The following NAALADL2 variants were observed in gnomAD, a reference collection of about 807,000 sequenced individuals.
NAALADL2 encodes the protein inactive N-acetylated-alpha-linked acidic dipeptidase-like protein 2.
NAALADL2 carries 76 observed loss-of-function variants against 87.2 expected under a neutral mutation model. The observed-to-expected ratio is 0.87, with a 90% confidence interval of 0.72 to 1.05. The LOEUF is 1.05. Among genes scored for constraint, NAALADL2 ranks in the 50% least tolerant of loss-of-function variants. The pLI is 0.00. For missense variants in NAALADL2, 1,089 were observed against 945.8 expected (o/e 1.15, Z -1.99); for synonymous variants, 354 against 331.0 (o/e 1.07, Z -0.75).
At chr3:175,012,963 G>A (rs1293844461) in intron 1 of NAALADL2, among the ~76,000 whole-genome samples, 1 of 118,696 alleles carries the variant, frequency 8.4e-6, no homozygotes, top group East Asian at 2.2e-4. Context: ...GCCTAGATGT[G>A]TGTGTATATA....
chr3:174,810,584 A>G (rs1433727211), intron 3 of NAALADL2, among the ~76,000 whole-genome samples: 1 of 148,518 alleles, frequency 6.7e-6, no homozygotes, highest in African/African-American at 2.5e-5. Context: ...CTAACAGCCT[A>G]TATATATGTA....
At chr3:175,178,830 A>AG (rs1736050253) in intron 2 of NAALADL2, among the ~76,000 whole-genome samples, 1 of 148,466 alleles carries the variant, frequency 6.7e-6, no homozygotes, top group African/African-American at 2.5e-5. Flanking sequence ...AATGTTTTAG[A>AG]ATTTTTTTTT....
chr3:174,930,133 A>G (rs1052692350), intron 1 of NAALADL2, among the ~76,000 whole-genome samples: 1 of 152,178 alleles, frequency 6.6e-6, no homozygotes, highest in African/African-American at 2.4e-5. Context: ...GTAAATTTAT[A>G]ATGTAAAAAG....
chr3:174,835,000 T>A (rs947988177), intron 3 of NAALADL2, among the ~76,000 whole-genome samples: 3 of 151,818 alleles, frequency 2.0e-5, no homozygotes, highest in Non-Finnish European at 4.4e-5. Flanking sequence ...TTTTAAAAAT[T>A]TAAAAATGCA....
At chr3:174,863,711 A>C (rs1202445590) in intron 1 of NAALADL2, 1 of 177,722 alleles carries the variant, frequency 5.6e-6, no homozygotes, top group Non-Finnish European at 1.2e-5. Context: ...GTGGTGGGAA[A>C]AATATCTCTG....
chr3:174,919,441 C>T (rs961396515), intron 1 of NAALADL2, among the ~76,000 whole-genome samples: 1 of 152,172 alleles, frequency 6.6e-6, no homozygotes. Context: ...CACATGCCAT[C>T]TCAAGAAACC....
chr3:174,627,325 GA>G (rs1415516796), intron 2 of NAALADL2, among the ~76,000 whole-genome samples: 9 of 151,410 alleles, frequency 5.9e-5, no homozygotes, highest in African/African-American at 1.2e-4. Flanking sequence ...CAAGAAATAT[GA>G]AAAAAAAGTT....
intron 1 of NAALADL2, among the ~76,000 whole-genome samples, chr3:174,493,680 T>C (rs1360809926): frequency 6.6e-6 from 1 of 152,198 alleles, no homozygotes; most frequent in African/African-American, 2.4e-5. Flanking sequence ...AAAATTCATG[T>C]GATTGAACCA....
At chr3:174,446,326 T>C (rs1413003013) in intron 1 of NAALADL2, among the ~76,000 whole-genome samples, 1 of 152,208 alleles carries the variant, frequency 6.6e-6, no homozygotes, top group Non-Finnish European at 1.5e-5. Context: ...TTCAAACTTA[T>C]ATTCTTTGTA....
At chr3:175,800,479 A>G (rs1323145936) in intron 13 of NAALADL2, among the ~76,000 whole-genome samples, 1 of 152,134 alleles carries the variant, frequency 6.6e-6, no homozygotes, top group Non-Finnish European at 1.5e-5. Flanking sequence ...GGACTATTAG[A>G]GATAGTTCCC....
chr3:175,604,022 C>T (rs1723324150), intron 10 of NAALADL2, among the ~76,000 whole-genome samples: 2 of 152,094 alleles, frequency 1.3e-5, no homozygotes, highest in African/African-American at 2.4e-5. Context: ...ACAAATATCT[C>T]TTCAAGACCC....
chr3:175,020,978 A>G (rs779031382), intron 1 of NAALADL2, among the ~76,000 whole-genome samples: 1 of 152,062 alleles, frequency 6.6e-6, no homozygotes, highest in Non-Finnish European at 1.5e-5. Flanking sequence ...AGGAGGAGAG[A>G]CTGTCATTTT....
chr3:174,826,899 A>G (rs66873302), intron 3 of NAALADL2, among the ~76,000 whole-genome samples: 18,809 of 152,076 alleles, frequency 0.12, 1,258 homozygotes, highest in Middle Eastern at 0.15. Context: ...AGTAATTAAA[A>G]CTCTTTGGTT....
At chr3:174,643,278 A>G (rs976861864) in intron 2 of NAALADL2, among the ~76,000 whole-genome samples, 9 of 152,118 alleles carry the variant, frequency 5.9e-5, no homozygotes, top group Non-Finnish European at 8.8e-5. Flanking sequence ...CAAGTAAGCA[A>G]ATAGGTGAAT....
intron 1 of NAALADL2, among the ~76,000 whole-genome samples, chr3:174,503,530 A>G (rs920874309): frequency 1.4e-4 from 22 of 152,142 alleles, no homozygotes; most frequent in African/African-American, 5.3e-4. Flanking sequence ...TCCAAACTCT[A>G]TTTTTTATGA....
intron 11 of NAALADL2, among the ~76,000 whole-genome samples, chr3:175,733,696 A>G (rs1744099956): frequency 6.6e-6 from 1 of 152,242 alleles, no homozygotes; most frequent in African/African-American, 2.4e-5. Flanking sequence ...CATCTGAGAC[A>G]AGGCAAGTCC....
At chr3:175,748,987 G>T (rs972366565) in intron 12 of NAALADL2, among the ~76,000 whole-genome samples, 1 of 151,280 alleles carries the variant, frequency 6.6e-6, no homozygotes, top group African/African-American at 2.4e-5. Context: ...CAAGCCTTTG[G>T]CTGTAGATAC....
intron 12 of NAALADL2, among the ~76,000 whole-genome samples, chr3:175,742,035 T>G (rs1476210549): frequency 2.0e-5 from 3 of 152,200 alleles, no homozygotes; most frequent in Non-Finnish European, 4.4e-5. Context: ...AGTTTCTGTT[T>G]AGCCTTTCAC....
chr3:175,338,833 C>G lies in NAALADL2; in HGVS notation c.1090+14508C>G, dbSNP rs182460764. Among the ~76,000 whole-genome samples, 397 of 152,192 alleles carry G rather than the reference C, an allele frequency of 2.6e-3. 2 individuals carry two copies. Among genetic ancestry groups the G allele is most frequent in the African/African-American group, 9.1e-3 (379 of 41,530 alleles). ...GGCTGGGGCTGAGCCTCTTGGGCACCTCTCAAGTCAAGTGAGGTGAAGAAG... is the reference window on the plus strand; with the variant it reads ...GGCTGGGGCTGAGCCTCTTGGGCACGTCTCAAGTCAAGTGAGGTGAAGAAG... On this transcript the variant is annotated intron_variant, in intron 5 of 13. Transcript: ENST00000454872.
Sources: allele counts gnomAD v4.1 joint callset (sites outside exome capture counted in the v4.1 genomes callset), GRCh38; gene constraint gnomAD v4.1.1; transcripts MANE v1.5; gene names NCBI Gene and HGNC (gene_info 2026-07-23, HGNC 2026-07-21).